UTRN: variants seen among roughly 807,000 people sequenced by gnomAD.
The protein encoded by UTRN is dystrophin-related protein 1.
Under a neutral mutation model 463.9 loss-of-function variants are expected in UTRN, and 283 were observed. That is an observed-to-expected ratio of 0.61 (90% CI 0.55 to 0.67). The LOEUF is 0.67. Among genes scored for constraint, UTRN ranks in the 30% least tolerant of loss-of-function variants. The probability of loss-of-function intolerance (pLI) is 0.00; values close to 1 mark genes in which losing one functional copy is unlikely to be tolerated. For missense variants in UTRN, 3,922 were observed against 4,084.3 expected, an observed-to-expected ratio of 0.96 and a Z score of 1.08; for synonymous variants, 1,442 against 1,431.5, an observed-to-expected ratio of 1.01 and a Z score of -0.17.
chr6:144,470,297 C>A (rs1232517864), intron 23 of UTRN, among the ~76,000 whole-genome samples: 1 of 152,042 alleles, frequency 6.6e-6, no homozygotes, highest in Non-Finnish European at 1.5e-5. Flanking sequence ...GCGCCCCCCA[C>A]CTCCCAGACG....
intron 61 of UTRN, among the ~76,000 whole-genome samples, chr6:144,784,316 A>G (rs1776114688): frequency 6.6e-6 from 1 of 152,194 alleles, no homozygotes; most frequent in Admixed American, 6.5e-5. Flanking sequence ...TTTATTTCCT[A>G]ACAGTTCTAG....
At chr6:144,781,866 T>A in intron 60 of UTRN, 56 bp from the exon 61 acceptor site, 1 of 1,321,614 alleles carries the variant, frequency 7.6e-7, no homozygotes, top group Non-Finnish European at 1.1e-6. Context: ...GTGATGTTGT[T>A]ATGTAATGTA....
intron 51 of UTRN, among the ~76,000 whole-genome samples, chr6:144,639,760 T>A (rs1012245274): frequency 1.3e-5 from 2 of 152,130 alleles, no homozygotes; most frequent in Non-Finnish European, 2.9e-5. Flanking sequence ...GACAAGGTGA[T>A]CTGTGTTGTG....
At chr6:144,844,065 G>T (rs910433954) in intron 73 of UTRN, among the ~76,000 whole-genome samples, 1 of 152,088 alleles carries the variant, frequency 6.6e-6, no homozygotes, top group African/African-American at 2.4e-5. Flanking sequence ...GCTTCTGAAA[G>T]TTCTGCTATT....
In UTRN at chr6:144,440,852, G is replaced by A. The variant is rs145258115; in HGVS notation, c.1512+381G>A. ...GTGGCTGGGGAGACCTCACAATCAT[G>A]GTGGAAGGGAAGGAGGAGCAAGCCA... On this transcript the variant is annotated intron_variant, in intron 13 of 74. Transcript: ENST00000367545. 4.0e-3 allele frequency among the ~76,000 whole-genome samples: 609 copies of A among 152,324 alleles called. 3 individuals carry two copies. The highest frequency in any genetic ancestry group is 0.014 in the African/African-American group (593 of 41,574).
Position 144,824,568 on chromosome 6 carries a change from TTATTTATATATA to T in UTRN, c.9495-2776_9495-2765del, listed in dbSNP as rs1266034318. Among the ~76,000 whole-genome samples, 167 of 69,058 alleles carry T rather than the reference TTATTTATATATA, an allele frequency of 2.4e-3. 5 individuals are homozygous for T. The highest frequency in any genetic ancestry group is 6.8e-3 in the African/African-American group (134 of 19,754). 45.3% of individuals were successfully genotyped at this position (69,058 alleles called of 152,430 possible). A position where few individuals can be genotyped will look rare whatever the true frequency, so the allele number is the denominator to read the frequency against. ...TATGTATATATATTAATATAGCATT[TTATTTATATATA>T]TATATATATATATATATATATATAT... On this transcript the variant is annotated intron_variant, in intron 66 of 74. Coordinates refer to ENST00000367545, the MANE Select transcript of UTRN (RefSeq NM_007124.3).
intron 66 of UTRN, among the ~76,000 whole-genome samples, chr6:144,824,614 CTTTTTTT>C (rs34382974): frequency 3.2e-5 from 1 of 30,878 alleles, no homozygotes; most frequent in African/African-American, 1.1e-4. Context: ...ATATATATAT[CTTTTTTT>C]TTTTTTTTTT....
At chr6:144,783,734 C>A (rs541454186) in intron 61 of UTRN, among the ~76,000 whole-genome samples, 4 of 152,136 alleles carry the variant, frequency 2.6e-5, no homozygotes, top group South Asian at 2.1e-4. Flanking sequence ...CCTCCTCTCT[C>A]GATTTTTTTT....
chr6:144,349,521 T>C (rs1009973784), intron 2 of UTRN, among the ~76,000 whole-genome samples: 1 of 152,170 alleles, frequency 6.6e-6, no homozygotes, highest in African/African-American at 2.4e-5. Context: ...TAGTAATAGT[T>C]CCAGGTAAAT....
At chr6:144,466,654 G>A (rs1789991006) in intron 23 of UTRN, among the ~76,000 whole-genome samples, 1 of 152,166 alleles carries the variant, frequency 6.6e-6, no homozygotes, top group South Asian at 2.1e-4. Flanking sequence ...GGATTTTCAT[G>A]TGAATCATGG....
Position 144,821,006 on chromosome 6 carries a change from A to G in UTRN, c.9482A>G (p.Asp3161Gly). 1.2e-6 allele frequency: 2 copies of G among 1,613,480 alleles called. No homozygotes were observed. The highest frequency in any genetic ancestry group is 8.5e-7 in the Non-Finnish European group (1 of 1,179,736). ...CCTGTCCAGACAGTTCTTGAAGGTG[A>G]CAACTTAGAGACGTAAGTTTGATTT... ...YLPVQTVLEG[D>G]NLETPITLIS... Residue 3161 changes from aspartate to glycine, a missense_variant, in exon 66 of 75, where the codon GAC becomes GGC. Asp to Gly is a moderately conservative substitution (Grantham distance 94). Transcript: ENST00000367545.
rs553645997 is a variant in UTRN, at chr6:144,360,958, A to AG, written c.80-42165_80-42164insG. ...GGGGGAAGGACCAAACTAAGATATT[A>AG]TTAGCCAACTTTTCTTTTGACTTTG... On this transcript the variant is annotated intron_variant, in intron 2 of 74. Transcript: ENST00000367545. Among the ~76,000 whole-genome samples, 1,436 of 152,310 alleles carry AG rather than the reference A, an allele frequency of 9.4e-3. 21 individuals carry two copies. Among genetic ancestry groups the AG allele is most frequent in the African/African-American group, 0.033 (1,373 of 41,572 alleles).
chr6:144,724,518 C>A (rs185057431), intron 53 of UTRN, among the ~76,000 whole-genome samples: 1 of 152,060 alleles, frequency 6.6e-6, no homozygotes, highest in Non-Finnish European at 1.5e-5. Context: ...TGAGCCACTG[C>A]GCCTGGCCCA....
At position 144,597,657 on chromosome 6, in the gene UTRN, CA is replaced by C. The variant is rs200001989; in HGVS notation, c.7479+20371del. Among the ~76,000 whole-genome samples, 129 of 152,290 alleles carry C rather than the reference CA, an allele frequency of 8.5e-4. 1 individual carries two copies. Among genetic ancestry groups the C allele is most frequent in the East Asian group, 7.7e-4 (4 of 5,180 alleles). On this transcript the variant is annotated intron_variant, in intron 51 of 74. Coordinates refer to ENST00000367545, the MANE Select transcript of UTRN (RefSeq NM_007124.3). ...TTCATCAAGGTTAGTAGAAAGTTGT[CA>C]AGTTTCTATTCTTAAGCTCTAGAAC...
At chr6:144,449,934 T>C (rs1344653603) in intron 17 of UTRN, among the ~76,000 whole-genome samples, 1 of 152,166 alleles carries the variant, frequency 6.6e-6, no homozygotes, top group African/African-American at 2.4e-5. Flanking sequence ...GTATACTTTT[T>C]AGGGTGCTGG....
chr6:144,600,456 G>T (rs1235570168), intron 51 of UTRN, among the ~76,000 whole-genome samples: 1 of 152,202 alleles, frequency 6.6e-6, no homozygotes, highest in Non-Finnish European at 1.5e-5. Context: ...ACTGTTGATA[G>T]TGAGAACATT....
intron 2 of UTRN, among the ~76,000 whole-genome samples, chr6:144,308,257 T>C (rs1282766762): frequency 1.3e-5 from 2 of 152,226 alleles, no homozygotes; most frequent in East Asian, 1.9e-4. Context: ...TTTCTAGTGA[T>C]CTTGTCTCCC....
intron 23 of UTRN, among the ~76,000 whole-genome samples, chr6:144,468,072 GAC>G (rs1381108986): frequency 6.6e-6 from 1 of 150,946 alleles, no homozygotes; most frequent in Non-Finnish European, 1.5e-5. Flanking sequence ...TGGACATTCC[GAC>G]AGATGGGGGA....
At chr6:144,708,360 A>G (rs1785302782) in intron 53 of UTRN, 1 of 659,774 alleles carries the variant, frequency 1.5e-6, no homozygotes, top group Non-Finnish European at 2.9e-6. Flanking sequence ...GAATCGATAA[A>G]AAAGAGTGCC....
Sources: gnomAD v4.1 joint callset for allele counts (sites outside exome capture counted in the v4.1 genomes callset) on GRCh38, gnomAD v4.1.1 for gene constraint, MANE v1.5 for transcripts, NCBI Gene and HGNC (gene_info 2026-07-23, HGNC 2026-07-21) for gene names.